The following FRMD4B variants were observed in gnomAD, a reference collection of about 807,000 sequenced individuals.
FRMD4B encodes FERM domain containing 4B, also known as FERM domain-containing protein 4B.
A neutral mutation model predicts 141.5 loss-of-function variants in FRMD4B; 74 were observed. That is an observed-to-expected ratio of 0.52 (90% CI 0.43 to 0.63). The LOEUF (loss-of-function observed/expected upper bound fraction) is 0.63. FRMD4B is among the 30% of genes least tolerant of loss of function. The pLI, the probability that FRMD4B is intolerant of heterozygous loss-of-function variation, is 0.00. For missense variants in FRMD4B, 1,366 were observed against 1,253.4 expected (o/e 1.09, Z -1.36); for synonymous variants, 506 against 467.9 (o/e 1.08, Z -1.05).
At position 69,181,064 on chromosome 3, in the gene FRMD4B, C is replaced by T; in HGVS notation, c.2686G>A (p.Ala896Thr). ...TGGTACCAGCCACGCAAGTGCTCGG[C>T]AACTAAGGCCTTGTGGATGTTTTTG... is the stretch of plus-strand genomic sequence containing the variant. ...ITKNIHKALV[A>T]EHLRGWYQRA... Residue 896 changes from alanine to threonine, a missense_variant, in exon 21 of 23, where the codon GCC becomes ACC. Coordinates refer to ENST00000398540, the MANE Select transcript of FRMD4B (RefSeq NM_015123.3). 6.2e-7 allele frequency: 1 copy of T among 1,613,996 alleles called. No individual in the cohort carries two copies. Among genetic ancestry groups the T allele is most frequent in the Non-Finnish European group, 8.5e-7 (1 of 1,179,894 alleles).
At chr3:69,541,741 A>T (rs1051993150) in intron 1 of FRMD4B, among the ~76,000 whole-genome samples, 1 of 152,046 alleles carries the variant, frequency 6.6e-6, no homozygotes, top group Non-Finnish European at 1.5e-5. Flanking sequence ...CTATTTGAAA[A>T]GGGCAGCCAA....
At chr3:69,498,133 G>C (rs1286526433) in intron 1 of FRMD4B, among the ~76,000 whole-genome samples, 1 of 152,128 alleles carries the variant, frequency 6.6e-6, no homozygotes, top group Non-Finnish European at 1.5e-5. Flanking sequence ...GAATTTCTTT[G>C]CATTCTAAAG....
chr3:69,175,127 C>T (rs1420980432), intron 22 of FRMD4B, among the ~76,000 whole-genome samples: 1 of 152,100 alleles, frequency 6.6e-6, no homozygotes, highest in African/African-American at 2.4e-5. Context: ...CAGTGAGTGT[C>T]TTAATAAGAA....
At chr3:69,500,338 T>G (rs1410441480) in intron 1 of FRMD4B, among the ~76,000 whole-genome samples, 3 of 152,192 alleles carry the variant, frequency 2.0e-5, no homozygotes, top group Non-Finnish European at 4.4e-5. Flanking sequence ...ATTTCCTGGT[T>G]GAAGATGCGC....
At chr3:69,364,355 G>C (rs77507490) in intron 1 of FRMD4B, among the ~76,000 whole-genome samples, 17,998 of 152,242 alleles carry the variant, frequency 0.12, 1,140 homozygotes, top group South Asian at 0.19. Context: ...GCCACGGCAG[G>C]AAGCATGCGC....
intron 19 of FRMD4B, 55 bp from the exon 20 acceptor site, chr3:69,182,772 C>T: frequency 6.4e-7 from 1 of 1,569,440 alleles, no homozygotes; most frequent in South Asian, 1.1e-5. Context: ...ACATCTCTGG[C>T]AAACTTGTCA....
intron 1 of FRMD4B, among the ~76,000 whole-genome samples, chr3:69,540,908 C>A (rs192478059): frequency 9.2e-5 from 14 of 152,042 alleles, no homozygotes; most frequent in Admixed American, 9.2e-4. Flanking sequence ...CCCAAAAGTG[C>A]CTACCAGGAT....
chr3:69,373,279 T>G (rs1703879941), intron 1 of FRMD4B, among the ~76,000 whole-genome samples: 2 of 152,184 alleles, frequency 1.3e-5, no homozygotes, highest in East Asian at 1.9e-4. Context: ...AGGGAGAGAT[T>G]AGAGACTAGG....
chr3:69,330,236 C>T (rs1702319474), intron 1 of FRMD4B, among the ~76,000 whole-genome samples: 2 of 145,314 alleles, frequency 1.4e-5, no homozygotes, highest in Admixed American at 1.4e-4. Flanking sequence ...CTACCCATTT[C>T]TACTTTGAAG....
At chr3:69,518,273 A>T (rs1215056448) in intron 1 of FRMD4B, among the ~76,000 whole-genome samples, 1 of 152,148 alleles carries the variant, frequency 6.6e-6, no homozygotes, top group East Asian at 1.9e-4. Flanking sequence ...TAAATTTTTT[A>T]AAATAAAGAA....
In FRMD4B at chr3:69,222,016, G is replaced by A; in HGVS notation, c.666-93C>T. The stretch of plus-strand genomic sequence containing the variant: ...TTATCAGGTGGCTGTCAGGAAACTT[G>A]AGAGAGAAAGCCTTCACCAACTTGT... On this transcript the variant is annotated intron_variant, in intron 8 of 22. Coordinates refer to ENST00000398540, the MANE Select transcript of FRMD4B (RefSeq NM_015123.3). 4.1e-6 allele frequency: 3 copies of A among 732,798 alleles called. No homozygotes were observed. In the Admixed American group the frequency reaches 6.2e-5, roughly 15 times the overall value. The allele number at this position is 732,798 out of a possible 1,614,324, so 45.4% of individuals were successfully genotyped here.
intron 1 of FRMD4B, among the ~76,000 whole-genome samples, chr3:69,484,223 G>T (rs1375265775): frequency 6.6e-6 from 1 of 152,212 alleles, no homozygotes; most frequent in Admixed American, 6.5e-5. Flanking sequence ...TGATTTAACA[G>T]TTCAAGACAA....
rs370917597 is a variant in FRMD4B, at chr3:69,365,513, TC to T, written c.162+20314del. Among the ~76,000 whole-genome samples, 26 of 148,152 alleles carry T rather than the reference TC, an allele frequency of 1.8e-4. 1 individual carries two copies. The highest frequency in any genetic ancestry group is 3.1e-4 in the Non-Finnish European group (21 of 67,192). On this transcript the variant is annotated intron_variant, in intron 1 of 22. Coordinates refer to ENST00000398540, the MANE Select transcript of FRMD4B (RefSeq NM_015123.3). Reference sequence around the variant, plus strand: ...AAATAGATACAACCTTTGTTTTTTTTCTTTTTTTTGAGATGGAGTCTTGCTC... The same window carrying T: ...AAATAGATACAACCTTTGTTTTTTTTTTTTTTTTGAGATGGAGTCTTGCTC...
intron 1 of FRMD4B, among the ~76,000 whole-genome samples, chr3:69,371,409 G>A (rs1394386284): frequency 6.6e-6 from 1 of 152,172 alleles, no homozygotes; most frequent in Non-Finnish European, 1.5e-5. Context: ...AGACACACAG[G>A]GGCCTTGTAG....
intron 1 of FRMD4B, among the ~76,000 whole-genome samples, chr3:69,327,590 G>T (rs1702225770): frequency 6.6e-6 from 1 of 152,112 alleles, no homozygotes; most frequent in Non-Finnish European, 1.5e-5. Flanking sequence ...GCTTTTCCAA[G>T]TCTCTTTATT....
At chr3:69,455,476 G>A (rs543843237) in intron 1 of FRMD4B, among the ~76,000 whole-genome samples, 1 of 152,340 alleles carries the variant, frequency 6.6e-6, no homozygotes, top group East Asian at 1.9e-4. Flanking sequence ...CACCTTGAGA[G>A]CTGTAAGGCT....
chr3:69,525,916 C>T (rs1252821196), intron 1 of FRMD4B, among the ~76,000 whole-genome samples: 3 of 152,142 alleles, frequency 2.0e-5, no homozygotes, highest in Non-Finnish European at 4.4e-5. Context: ...GTCTTGGCCT[C>T]TCAAAGTGCT....
At chr3:69,365,574 G>A (rs867196452) in intron 1 of FRMD4B, among the ~76,000 whole-genome samples, 2 of 145,650 alleles carry the variant, frequency 1.4e-5, no homozygotes, top group African/African-American at 2.7e-5. Flanking sequence ...AAGCAATCTC[G>A]ACTCACCACA....
chr3:69,542,444 C>G (rs1032248789), exon 1 of FRMD4B: 2 of 153,470 alleles, frequency 1.3e-5, no homozygotes, highest in East Asian at 1.9e-4. Context: ...GCAGCCAGCG[C>G]CTGCCGCATC....
Sources: allele counts gnomAD v4.1 joint callset (sites outside exome capture counted in the v4.1 genomes callset), GRCh38; gene constraint gnomAD v4.1.1; transcripts MANE v1.5; gene names NCBI Gene and HGNC (gene_info 2026-07-23, HGNC 2026-07-21).